The following ZNF738 variants were observed in gnomAD, a reference collection of about 807,000 sequenced individuals.
The protein encoded by ZNF738 is zinc finger protein 738, also known as protein ZNF738.
Under a neutral mutation model 9.2 loss-of-function variants are expected in ZNF738, and 10 were observed. The observed-to-expected ratio is 1.09, with a 90% confidence interval of 0.67 to 1.85. ZNF738 has a LOEUF of 1.85. Ranked by LOEUF, ZNF738 falls within the 40% of genes most tolerant of loss-of-function variation. The probability of loss-of-function intolerance (pLI) is 0.00; values close to 1 mark genes in which losing one functional copy is unlikely to be tolerated. For synonymous variants in ZNF738, 113 were observed against 94.5 expected (o/e 1.20, Z -1.14); for missense variants, 346 against 283.6 (o/e 1.22, Z -1.58).
At chr19:21,381,628 G>T in intron 4 of ZNF738, 1 of 512,378 alleles carries the variant, frequency 2.0e-6, no homozygotes, top group Non-Finnish European at 3.6e-6. Context: ...CGAGTAGCTG[G>T]GACTACAGGC....
In ZNF738 at chr19:21,383,601, C is replaced by CT; in HGVS notation, c.1059dup (p.Asn354Ter). ...TACAAATGTGAGGAATGTGGCAAAG[C>CT]TTTTAATTGGTACTCACACCTTACC... On this transcript the variant is annotated frameshift_variant, in exon 5 of 5. Transcript: ENST00000683779. LOFTEE classifies it low-confidence loss of function (END_TRUNC). 9.9e-7 allele frequency: 1 copy of CT among 1,006,878 alleles called. No individual in the cohort carries two copies. Among genetic ancestry groups the CT allele is most frequent in the Non-Finnish European group, 1.6e-6 (1 of 644,042 alleles). The allele number at this position is 1,006,878 out of a possible 1,614,324, so 62.4% of individuals were successfully genotyped here. A position where few individuals can be genotyped will look rare whatever the true frequency, so the allele number is the denominator to read the frequency against.
At chr19:21,378,106 A>T (rs1973956891) in intron 4 of ZNF738, 1 of 396,908 alleles carries the variant, frequency 2.5e-6, no homozygotes, top group African/African-American at 2.1e-5. Flanking sequence ...GTTGCATGCA[A>T]AAATTTTTTC....
chr19:21,377,833 G>GTA (rs1973952045), intron 4 of ZNF738: 1 of 371,544 alleles, frequency 2.7e-6, no homozygotes, highest in Non-Finnish European at 4.8e-6. Flanking sequence ...TTTATTGAAA[G>GTA]TATGTCTCTT....
At chr19:21,370,692 G>GT (rs1315370806) in intron 2 of ZNF738, among the ~76,000 whole-genome samples, 1 of 152,102 alleles carries the variant, frequency 6.6e-6, no homozygotes, top group African/African-American at 2.4e-5. Flanking sequence ...TGTTGCCTCA[G>GT]TTTTTTTCTT....
rs187890642 is a variant in ZNF738 at position 21,363,837 on chromosome 19, G to A, written c.96+1979G>A. ...CAGGAGTCGGAGGTTGCAGTGAGCC[G>A]ATAACGGTCCCACTGCACTCCAGAC... On this transcript the variant is annotated intron_variant, in intron 2 of 4. Coordinates refer to ENST00000683779, the MANE Select transcript of ZNF738 (RefSeq NM_001355237.2). 7.0e-3 allele frequency among the ~76,000 whole-genome samples: 1,045 copies of A among 149,364 alleles called. 64 individuals are homozygous for A. The highest frequency in any genetic ancestry group is 0.064 in the Admixed American group (957 of 14,842).
chr19:21,371,535 A>C (rs1369192638), intron 2 of ZNF738, among the ~76,000 whole-genome samples: 4 of 152,210 alleles, frequency 2.6e-5, no homozygotes, highest in African/African-American at 7.2e-5. Context: ...CTGGTGACTC[A>C]AACAAACTAA....
intron 2 of ZNF738, among the ~76,000 whole-genome samples, chr19:21,362,769 T>C (rs1599710517): frequency 6.6e-6 from 1 of 152,206 alleles, no homozygotes; most frequent in Non-Finnish European, 1.5e-5. Context: ...AGAGTGAGTT[T>C]ACAAGTTTTC....
chr19:21,374,805 C>T (rs1973903154), intron 2 of ZNF738, among the ~76,000 whole-genome samples: 1 of 151,926 alleles, frequency 6.6e-6, no homozygotes, highest in Admixed American at 6.6e-5. Flanking sequence ...TTCAGAATCT[C>T]AGACTTTATT....
intron 2 of ZNF738, among the ~76,000 whole-genome samples, chr19:21,362,803 G>C (rs1358315802): frequency 6.6e-6 from 1 of 152,074 alleles, no homozygotes; most frequent in Non-Finnish European, 1.5e-5. Flanking sequence ...TTAATGGCTG[G>C]GTGATTTCAA....
In ZNF738 at chr19:21,383,843, TG is replaced by T. The variant is rs1292928470; in HGVS notation, c.*171del. The T allele has an allele frequency of 7.5e-6, 10 of 1,333,998 alleles. No individual in the cohort carries two copies. The highest frequency in any genetic ancestry group is 1.4e-5 in the African/African-American group (1 of 69,540). 82.6% of individuals were successfully genotyped at this position (1,333,998 alleles called of 1,614,324 possible). ...AGAAACCCTACAAATGTGGAGAATG[TG>T]GCAAAGCTTTCTTCAGATTCTCATA... On this transcript the variant is annotated 3_prime_UTR_variant, in exon 5 of 5. Transcript: ENST00000683779.
In ZNF738 at chr19:21,383,165, A is replaced by G. The variant is rs962408311; in HGVS notation, c.619A>G (p.Lys207Glu). The G allele has an allele frequency of 1.9e-6, 3 of 1,598,922 alleles. No homozygotes were observed. Among genetic ancestry groups the G allele is most frequent in the Non-Finnish European group, 2.6e-6 (3 of 1,167,864 alleles). Residue 207 changes from lysine (K) to glutamate (E), a missense_variant, in exon 5 of 5, where the codon AAA (lysine) becomes GAA (glutamate). Lys to Glu is a moderately conservative substitution (Grantham distance 56, BLOSUM62 1). Transcript: ENST00000683779. ...RHTGKKPFKC[K>E]KCGKSFCMLL... The stretch of plus-strand genomic sequence containing the variant: ...TACTGGAAAGAAACCTTTCAAATGT[A>G]AAAAATGTGGCAAATCATTTTGCAT...
chr19:21,364,135 T>G (rs552221157), intron 2 of ZNF738, among the ~76,000 whole-genome samples: 6 of 138,526 alleles, frequency 4.3e-5, no homozygotes, highest in Admixed American at 8.2e-5. Context: ...AGATGGAGGT[T>G]GCAGTGAGCC....
chr19:21,374,694 G>A (rs952705161), intron 2 of ZNF738, among the ~76,000 whole-genome samples: 7 of 152,080 alleles, frequency 4.6e-5, no homozygotes, highest in Admixed American at 4.6e-4. Context: ...TTACAGGCCA[G>A]AAAAATGGGG....
chr19:21,369,554 T>C (rs1487797116), intron 2 of ZNF738, among the ~76,000 whole-genome samples: 2 of 152,118 alleles, frequency 1.3e-5, no homozygotes, highest in African/African-American at 4.8e-5. Flanking sequence ...TTGATTTTTA[T>C]ATATAGTGTA....
In ZNF738 at chr19:21,383,610, G is replaced by C. The variant is rs1430603653; in HGVS notation, c.1064G>C (p.Trp355Ser). 1 of 946,182 alleles carries C rather than the reference G, an allele frequency of 1.1e-6. No homozygotes were observed. Among genetic ancestry groups the C allele is most frequent in the African/African-American group, 1.7e-5 (1 of 58,230 alleles). The allele number at this position is 946,182 out of a possible 1,614,324, so 58.6% of individuals were successfully genotyped here. ...GAGGAATGTGGCAAAGCTTTTAATT[G>C]GTACTCACACCTTACCAGACATAAG... is the stretch of plus-strand genomic sequence containing the variant. ...KCEECGKAFN[W>S]YSHLTRHKII... Residue 355 changes from tryptophan to serine, a missense_variant, in exon 5 of 5, where the codon TGG (tryptophan) becomes TCG (serine). Transcript: ENST00000683779.
rs539119920 is a variant in ZNF738 at position 21,384,054 on chromosome 19, A to G, written c.*380A>G. ...ATTCATTTACCTTACTACACATAAG[A>G]GAATTCACACTGGAGAGAAACCCTA... On this transcript the variant is annotated 3_prime_UTR_variant, in exon 5 of 5. Coordinates refer to ENST00000683779, the MANE Select transcript of ZNF738 (RefSeq NM_001355237.2). The G allele has an allele frequency of 2.2e-5, 34 of 1,562,550 alleles. No homozygotes were observed. The highest frequency in any genetic ancestry group is 2.9e-5 in the Non-Finnish European group (33 of 1,137,292).
intron 1 of ZNF738, among the ~76,000 whole-genome samples, chr19:21,360,918 G>A (rs2145215092): frequency 6.6e-6 from 1 of 151,780 alleles, no homozygotes; most frequent in East Asian, 1.9e-4. Context: ...GGGTTCACGA[G>A]GTTCTCATGC....
chr19:21,368,457 C>T (rs1253699861), intron 2 of ZNF738, among the ~76,000 whole-genome samples: 1 of 151,888 alleles, frequency 6.6e-6, no homozygotes, highest in African/African-American at 2.4e-5. Flanking sequence ...TTGAGACAAA[C>T]TCTTTTTTTT....
In ZNF738 at chr19:21,375,269, A is replaced by G; in HGVS notation, c.128A>G (p.Glu43Gly). ...GPLTFRDVVI[E>G]FSQEEWQCLD... ...TTGACATTTAGGGATGTGGTCATAGAATTCTCTCAGGAGGAGTGGCAATGC... is the reference window on the plus strand; with the variant it reads ...TTGACATTTAGGGATGTGGTCATAGGATTCTCTCAGGAGGAGTGGCAATGC... Residue 43 changes from glutamate (E) to glycine (G), a missense_variant, in exon 3 of 5, where the codon GAA (glutamate) becomes GGA (glycine). Glu to Gly is a moderately conservative substitution (Grantham distance 98). Coordinates refer to ENST00000683779, the MANE Select transcript of ZNF738 (RefSeq NM_001355237.2). 1 of 1,150,710 alleles carries G rather than the reference A, an allele frequency of 8.7e-7. No individual in the cohort carries two copies. Among genetic ancestry groups the G allele is most frequent in the Non-Finnish European group, 1.3e-6 (1 of 759,136 alleles). The allele number at this position is 1,150,710 out of a possible 1,614,324, so 71.3% of individuals were successfully genotyped here. A position where few individuals can be genotyped will look rare whatever the true frequency, so the allele number is the denominator to read the frequency against.
Sources: allele counts gnomAD v4.1 joint callset (sites outside exome capture counted in the v4.1 genomes callset), GRCh38; gene constraint gnomAD v4.1.1; transcripts MANE v1.5; gene names NCBI Gene and HGNC (gene_info 2026-07-23, HGNC 2026-07-21).